The following USP34 variants were observed in gnomAD, a reference collection of about 807,000 sequenced individuals.
USP34 encodes ubiquitin carboxyl-terminal hydrolase 34.
A neutral mutation model predicts 460.3 loss-of-function variants in USP34; 70 were observed. That is an observed-to-expected ratio of 0.15 (90% CI 0.13 to 0.19). The LOEUF (loss-of-function observed/expected upper bound fraction) is 0.19. Among genes scored for constraint, USP34 ranks in the 10% least tolerant of loss-of-function variants. The probability of loss-of-function intolerance (pLI) is 1.00; values close to 1 mark genes in which losing one functional copy is unlikely to be tolerated. For synonymous variants in USP34, 1,647 were observed against 1,405.3 expected (o/e 1.17, Z -3.85); for missense variants, 3,985 against 4,236.2 (o/e 0.94, Z 1.65).
chr2:61,457,905 G>A (rs1399135437), intron 1 of USP34, among the ~76,000 whole-genome samples: 1 of 152,094 alleles, frequency 6.6e-6, no homozygotes, highest in African/African-American at 2.4e-5. Context: ...AGGGTGGCAA[G>A]CAAGACATCA....
At chr2:61,194,076 T>C (rs1686721777) in intron 75 of USP34, 1 of 981,934 alleles carries the variant, frequency 1.0e-6, no homozygotes, top group Non-Finnish European at 1.2e-6. Flanking sequence ...ACAGGCAGCA[T>C]GTGGGTTGTA....
chr2:61,403,713 C>T (rs138788487), intron 3 of USP34, among the ~76,000 whole-genome samples: 4 of 151,960 alleles, frequency 2.6e-5, no homozygotes, highest in Non-Finnish European at 4.4e-5. Flanking sequence ...AGAGGCTGGG[C>T]GCAGCGGCTC....
chr2:61,468,751 C>T (rs1247799821), intron 1 of USP34, among the ~76,000 whole-genome samples: 2 of 152,152 alleles, frequency 1.3e-5, no homozygotes, highest in African/African-American at 4.8e-5. Flanking sequence ...TCTAACACTC[C>T]ATAAATGCAC....
At chr2:61,334,895 T>C (rs544389809) in intron 18 of USP34, among the ~76,000 whole-genome samples, 3 of 152,206 alleles carry the variant, frequency 2.0e-5, no homozygotes, top group Non-Finnish European at 2.9e-5. Context: ...ACATTATACA[T>C]GGCTAAAGAT....
At chr2:61,325,497 T>C in intron 20 of USP34, 40 bp from the exon 21 acceptor site, 1 of 1,327,460 alleles carries the variant, frequency 7.5e-7, no homozygotes, top group South Asian at 1.6e-5. Context: ...AATATCCTAT[T>C]TCTTAATTAC....
chr2:61,275,366 C>T (rs1689341114), intron 41 of USP34, among the ~76,000 whole-genome samples: 1 of 152,098 alleles, frequency 6.6e-6, no homozygotes, highest in Non-Finnish European at 1.5e-5. Context: ...TCGGTAATCC[C>T]AACAGTTTGG....
intron 53 of USP34, among the ~76,000 whole-genome samples, chr2:61,239,300 T>TCTCGCA (rs1213558114): frequency 7.5e-6 from 1 of 132,768 alleles, no homozygotes; most frequent in African/African-American, 2.9e-5. Flanking sequence ...GAGGGCCCTG[T>TCTCGCA]CACACACACA....
chr2:61,405,592 G>C, intron 3 of USP34, 116 bp downstream of exon 3: 1 of 996,864 alleles, frequency 1.0e-6, no homozygotes, highest in South Asian at 2.1e-5. Context: ...AAATAATTCT[G>C]GTGACAATAA....
intron 12 of USP34, 113 bp downstream of exon 12, chr2:61,350,147 C>A: frequency 8.4e-7 from 1 of 1,186,966 alleles, no homozygotes; most frequent in South Asian, 1.7e-5. Context: ...CTCTTCTACC[C>A]ATCCCACACT....
At position 61,417,667 on chromosome 2, in the gene USP34, C is replaced by A. The variant is rs565437544; in HGVS notation, c.131+3079G>T. ...TCTCAAAGTTGTTTTTTTTTCCCTA[C>A]AATGACTGTATCATTTAAATAAGAA... On this transcript the variant is annotated intron_variant, in intron 2 of 79. Transcript: ENST00000398571. Among the ~76,000 whole-genome samples the A allele has an allele frequency of 2.0e-5, 3 of 149,488 alleles. No individual in the cohort carries two copies. The South Asian group carries it at 6.3e-4, about 32-fold the overall frequency.
intron 3 of USP34, among the ~76,000 whole-genome samples, chr2:61,404,669 G>C (rs554603974): frequency 7.9e-5 from 12 of 152,226 alleles, no homozygotes; most frequent in African/African-American, 2.9e-4. Flanking sequence ...GTGCGACCCA[G>C]ACCTTACCCA....
intron 2 of USP34, among the ~76,000 whole-genome samples, chr2:61,408,868 T>G (rs1693957540): frequency 6.6e-6 from 1 of 151,902 alleles, no homozygotes; most frequent in South Asian, 2.1e-4. Flanking sequence ...CACTCCAGCC[T>G]GGGAGACAGA....
Position 61,339,463 on chromosome 2 carries a change from C to T in USP34, c.2632G>A (p.Gly878Arg). 1 of 1,587,454 alleles carries T rather than the reference C, an allele frequency of 6.3e-7. No homozygotes were observed. Among genetic ancestry groups the T allele is most frequent in the Non-Finnish European group, 8.6e-7 (1 of 1,166,432 alleles). Residue 878 changes from glycine to arginine, a missense_variant, in exon 18 of 80, where the codon GGA (glycine) becomes AGA (arginine). Coordinates refer to ENST00000398571, the MANE Select transcript of USP34 (RefSeq NM_014709.4). ...QDEDAVNLSE[G>R]LINEAEKLLC... ...AGTTTCTCTGCTTCATTTATTAATC[C>T]TTCAGAAAGATTAACCTATAAAAAA...
intron 53 of USP34, among the ~76,000 whole-genome samples, chr2:61,239,138 T>A (rs1179795217): frequency 6.6e-6 from 1 of 151,980 alleles, no homozygotes; most frequent in Non-Finnish European, 1.5e-5. Flanking sequence ...ACTTTCTCCC[T>A]CTCCTCAGGC....
intron 27 of USP34, among the ~76,000 whole-genome samples, chr2:61,302,904 T>G (rs902886983): frequency 6.6e-6 from 1 of 152,208 alleles, no homozygotes; most frequent in Admixed American, 6.5e-5. Flanking sequence ...TTCATCAAAT[T>G]TTAAACAAAA....
rs777961656 is a variant in USP34 at position 61,348,116 on chromosome 2, T to C, written c.2039A>G (p.Glu680Gly). 5 of 1,614,198 alleles carry C rather than the reference T, an allele frequency of 3.1e-6. No homozygotes were observed. The South Asian group carries it at 5.5e-5, about 18-fold the overall frequency. ...GTGKDLVFNTESLPSVDNRMR... is the reference protein window; with the variant it reads ...GTGKDLVFNTGSLPSVDNRMR... ...TCGATTATCTACTGATGGCAATGAT[T>C]CAGTGTTAAAAACCAGGTCCTTTCC... Residue 680 changes from glutamate (E) to glycine (G), a missense_variant, in exon 15 of 80, where the codon GAA (glutamate) becomes GGA (glycine). Glu to Gly is a moderately conservative substitution (Grantham distance 98). Transcript: ENST00000398571.
chr2:61,456,152 T>C (rs1695431885), intron 1 of USP34, among the ~76,000 whole-genome samples: 1 of 152,192 alleles, frequency 6.6e-6, no homozygotes, highest in South Asian at 2.1e-4. Context: ...ACTCAGTAAA[T>C]ACAATATTAA....
chr2:61,406,255 G>A (rs958912381), intron 2 of USP34, 127 bp from the exon 3 acceptor site: 1 of 804,528 alleles, frequency 1.2e-6, no homozygotes, highest in East Asian at 2.8e-5. Flanking sequence ...CCTTCCTGCT[G>A]GGGTACACCT....
intron 5 of USP34, among the ~76,000 whole-genome samples, chr2:61,387,610 TAA>T (rs1211483471): frequency 1.4e-5 from 2 of 146,974 alleles, no homozygotes; most frequent in Non-Finnish European, 3.0e-5. Flanking sequence ...CACACATATA[TAA>T]AATATATATT....
Sources: gnomAD v4.1 joint callset for allele counts (sites outside exome capture counted in the v4.1 genomes callset) on GRCh38, gnomAD v4.1.1 for gene constraint, MANE v1.5 for transcripts, NCBI Gene and HGNC (gene_info 2026-07-23, HGNC 2026-07-21) for gene names.